The following TRAT1 variants were observed in gnomAD, a reference collection of about 807,000 sequenced individuals.
TRAT1 encodes T cell receptor associated transmembrane adaptor 1.
A neutral mutation model predicts 20.0 loss-of-function variants in TRAT1; 20 were observed. That is an observed-to-expected ratio of 1.00 (90% confidence interval 0.70 to 1.45). TRAT1 has a LOEUF of 1.45. Among genes scored for constraint, TRAT1 ranks in the 40% most tolerant of loss-of-function variants. TRAT1 has a pLI of 0.00. For missense variants in TRAT1, 237 were observed against 224.1 expected, an observed-to-expected ratio of 1.06 and a Z score of -0.37; for synonymous variants, 77 against 74.2, an observed-to-expected ratio of 1.04 and a Z score of -0.20.
intron 3 of TRAT1, among the ~76,000 whole-genome samples, chr3:108,844,736 C>T (rs1030309193): frequency 7.0e-6 from 1 of 143,500 alleles, no homozygotes; most frequent in African/African-American, 2.6e-5. Flanking sequence ...CCCAGCTACT[C>T]GGGAGGCTGA....
At chr3:108,842,241 C>T (rs76850191) in intron 3 of TRAT1, among the ~76,000 whole-genome samples, 1 of 152,174 alleles carries the variant, frequency 6.6e-6, no homozygotes, top group Non-Finnish European at 1.5e-5. Context: ...GTGCTTTTAT[C>T]ATAAAACATT....
intron 1 of TRAT1, among the ~76,000 whole-genome samples, chr3:108,825,402 T>C (rs527550918): frequency 1.2e-4 from 18 of 152,114 alleles, no homozygotes; most frequent in Non-Finnish European, 2.4e-4. Flanking sequence ...ATTCACAATT[T>C]AGTTTACTCA....
chr3:108,824,747 A>C (rs1945721370), intron 1 of TRAT1, among the ~76,000 whole-genome samples: 1 of 152,208 alleles, frequency 6.6e-6, no homozygotes, highest in African/African-American at 2.4e-5. Flanking sequence ...ATACTTTAGC[A>C]AAGAACAAAA....
chr3:108,844,685 A>G (rs943792291), intron 3 of TRAT1, among the ~76,000 whole-genome samples: 1 of 151,432 alleles, frequency 6.6e-6, no homozygotes, highest in African/African-American at 2.4e-5. Flanking sequence ...TCTACTAAAA[A>G]TACAAAAAAT....
chr3:108,847,182 C>G, intron 4 of TRAT1, 53 bp downstream of exon 4: 2 of 1,118,756 alleles, frequency 1.8e-6, no homozygotes, highest in Non-Finnish European at 2.6e-6. Context: ...GTTGGTTTCA[C>G]AAAATAATTT....
At chr3:108,823,082 A>T in intron 1 of TRAT1, 148 bp downstream of exon 1, 1 of 645,470 alleles carries the variant, frequency 1.5e-6, no homozygotes, top group Non-Finnish European at 2.6e-6. Context: ...TATATTTTGA[A>T]ACATGTTAAT....
At chr3:108,842,409 C>G (rs1163576296) in intron 3 of TRAT1, among the ~76,000 whole-genome samples, 1 of 152,130 alleles carries the variant, frequency 6.6e-6, no homozygotes, top group African/African-American at 2.4e-5. Context: ...GTTGAGAATC[C>G]TTATGACAAG....
chr3:108,854,030 A>G lies in TRAT1; in HGVS notation c.*153A>G, dbSNP rs1290160311. ...GGCTTACCTCTTATTCACAGCTTAC[A>G]CTTATGCATGCCAAATGTAAGGCCA... On this transcript the variant is annotated 3_prime_UTR_variant, in exon 6 of 6. Transcript: ENST00000295756. 3.1e-6 allele frequency: 2 copies of G among 653,434 alleles called. No individual in the cohort carries two copies. The highest frequency in any genetic ancestry group is 2.5e-5 in the Admixed American group (1 of 40,332). 40.5% of individuals were successfully genotyped at this position (653,434 alleles called of 1,614,324 possible). A position where few individuals can be genotyped will look rare whatever the true frequency, so the allele number is the denominator to read the frequency against.
intron 1 of TRAT1, among the ~76,000 whole-genome samples, chr3:108,828,282 G>A (rs553025277): frequency 8.7e-4 from 133 of 152,134 alleles, no homozygotes; most frequent in Non-Finnish European, 1.3e-3. Flanking sequence ...GTGTTCCCGA[G>A]GCTCATGAGT....
chr3:108,843,762 T>G (rs1050830057), intron 3 of TRAT1, among the ~76,000 whole-genome samples: 2 of 152,172 alleles, frequency 1.3e-5, no homozygotes, highest in Non-Finnish European at 2.9e-5. Flanking sequence ...GTTACCATGA[T>G]CAAATCTCGG....
intron 1 of TRAT1, among the ~76,000 whole-genome samples, chr3:108,823,433 C>T (rs2107504013): frequency 6.6e-6 from 1 of 152,256 alleles, no homozygotes; most frequent in South Asian, 2.1e-4. Context: ...TATTCACTCG[C>T]TGTTGTGAAA....
intron 5 of TRAT1, 120 bp from the exon 6 acceptor site, chr3:108,853,500 C>A: frequency 8.0e-7 from 1 of 1,254,506 alleles, no homozygotes; most frequent in Non-Finnish European, 1.1e-6. Flanking sequence ...ACAAATTTGG[C>A]AAAACAAGGT....
chr3:108,825,406 T>G (rs1945728424), intron 1 of TRAT1, among the ~76,000 whole-genome samples: 1 of 152,100 alleles, frequency 6.6e-6, no homozygotes, highest in Non-Finnish European at 1.5e-5. Flanking sequence ...ACAATTTAGT[T>G]TACTCATCTT....
At chr3:108,847,626 T>C (rs1198289618) in intron 4 of TRAT1, among the ~76,000 whole-genome samples, 2 of 152,202 alleles carry the variant, frequency 1.3e-5, no homozygotes, top group Admixed American at 1.3e-4. Flanking sequence ...GTGGTTTATA[T>C]ATTTATTTTG....
In TRAT1 at chr3:108,853,702, C is replaced by T. The variant is rs967969174; in HGVS notation, c.386C>T (p.Thr129Ile). 8 of 1,614,030 alleles carry T rather than the reference C, an allele frequency of 5.0e-6. No individual in the cohort carries two copies. In the Admixed American group the frequency reaches 1.0e-4, roughly 20 times the overall value. ...CGTAGAAAGCCCAGGAAACAGAATA[C>T]TCATTTCTCAGACAAGGATGGAGAT... Reference protein sequence around the residue: ...GKRRKPRKQNTHFSDKDGDEQ... With the variant: ...GKRRKPRKQNIHFSDKDGDEQ... Residue 129 changes from threonine (T) to isoleucine (I), a missense_variant, in exon 6 of 6, where the codon ACT (threonine) becomes ATT (isoleucine). Physicochemically the swap from Thr to Ile is moderately conservative, Grantham distance 89. Coordinates refer to ENST00000295756, the MANE Select transcript of TRAT1 (RefSeq NM_016388.4).
chr3:108,838,663 C>T (rs1028917225), intron 2 of TRAT1, among the ~76,000 whole-genome samples: 1 of 152,156 alleles, frequency 6.6e-6, no homozygotes, highest in Admixed American at 6.5e-5. Context: ...CGTCTCCAAG[C>T]TGCACTGTTT....
At chr3:108,832,109 C>T (rs138907957) in intron 2 of TRAT1, among the ~76,000 whole-genome samples, 4 of 152,256 alleles carry the variant, frequency 2.6e-5, no homozygotes, top group African/African-American at 9.6e-5. Flanking sequence ...GGATTATTGT[C>T]ATGCAGGTTT....
Position 108,822,849 on chromosome 3 carries a change from G to A in TRAT1, c.-79G>A. The A allele has an allele frequency of 7.6e-7, 1 of 1,311,484 alleles. No individual in the cohort carries two copies. Among genetic ancestry groups the A allele is most frequent in the Non-Finnish European group, 1.1e-6 (1 of 913,170 alleles). The allele number at this position is 1,311,484 out of a possible 1,614,324, so 81.2% of individuals were successfully genotyped here. On this transcript the variant is annotated 5_prime_UTR_variant, in exon 1 of 6. Coordinates refer to ENST00000295756, the MANE Select transcript of TRAT1 (RefSeq NM_016388.4). The stretch of plus-strand genomic sequence containing the variant: ...TAACATAACAGAGCAACATCACCTA[G>A]GAAAAAAGTTTGTAGGAGGATTTTT...
intron 1 of TRAT1, among the ~76,000 whole-genome samples, chr3:108,828,422 G>T (rs1945762255): frequency 6.6e-6 from 1 of 152,108 alleles, no homozygotes. Flanking sequence ...AGGAGAAAGG[G>T]ATATGATTAG....
Sources: allele counts gnomAD v4.1 joint callset (sites outside exome capture counted in the v4.1 genomes callset), GRCh38; gene constraint gnomAD v4.1.1; transcripts MANE v1.5; gene names NCBI Gene and HGNC (gene_info 2026-07-23, HGNC 2026-07-21).